Variants in EDA observed in about 807,000 individuals in gnomAD.
EDA encodes ectodysplasin-A.
In EDA, 2 loss-of-function variants were observed where a neutral mutation model predicts 23.6. The observed-to-expected ratio is 0.08, with a 90% CI of 0.03 to 0.27. The LOEUF (loss-of-function observed/expected upper bound fraction) is 0.27, where lower values mean the gene tolerates loss of function less well. EDA is among the 10% of genes least tolerant of loss of function. EDA has a pLI of 1.00. For synonymous variants in EDA, 131 were observed against 132.0 expected (o/e 0.99, Z 0.05); for missense variants, 229 against 324.2 (o/e 0.71, Z 2.26).
At chrX:69,766,745 A>G (rs1284555806) in intron 1 of EDA, among the ~76,000 whole-genome samples, 2 of 112,136 alleles carry the variant, frequency 1.8e-5, no homozygotes, top group African/African-American at 6.5e-5. Flanking sequence ...TAGTGCTGCA[A>G]TGAACATTTG....
intron 1 of EDA, among the ~76,000 whole-genome samples, chrX:69,676,414 C>T (rs1934081773): frequency 1.8e-5 from 2 of 110,613 alleles, no homozygotes; most frequent in Admixed American, 1.9e-4. Context: ...TTGAACGTGG[C>T]ATGTGAGAGG....
In EDA at chrX:69,777,144, T is replaced by TTG. The variant is rs374930096; in HGVS notation, c.396+160441_396+160442insGT. 4.1e-3 allele frequency among the ~76,000 whole-genome samples: 435 copies of TTG among 106,824 alleles called. 1 individual carries two copies. Among genetic ancestry groups the TTG allele is most frequent in the African/African-American group, 0.011 (328 of 29,200 alleles). The allele number at this position is 106,824 out of a possible 115,157, so 92.8% of individuals were successfully genotyped here. A position where few individuals can be genotyped will look rare whatever the true frequency, so the allele number is the denominator to read the frequency against. ...TTGTTTGTTTCTGTTGATTCTGGGT[T>TTG]TTGTTGTTGTTGTTGTTGTTGTTGT... On this transcript the variant is annotated intron_variant, in intron 1 of 7. Transcript: ENST00000374552.
At chrX:69,849,115 A>G (rs2017071032) in intron 1 of EDA, among the ~76,000 whole-genome samples, 1 of 98,480 alleles carries the variant, frequency 1.0e-5, no homozygotes, top group African/African-American at 3.7e-5. Context: ...ACACACACAC[A>G]CACACACACA....
chrX:69,652,450 A>G (rs1418280788), intron 1 of EDA, among the ~76,000 whole-genome samples: 3 of 112,074 alleles, frequency 2.7e-5, no homozygotes, highest in Non-Finnish European at 5.6e-5. Context: ...TAGAAACGGT[A>G]AAGGGATCAT....
At chrX:69,819,848 T>G (rs1228853233) in intron 1 of EDA, among the ~76,000 whole-genome samples, 1 of 101,209 alleles carries the variant, frequency 9.9e-6, no homozygotes, top group Non-Finnish European at 1.9e-5. Flanking sequence ...AAACTACCAC[T>G]GACATTCTTA....
At chrX:69,813,241 A>T (rs923607851) in intron 1 of EDA, among the ~76,000 whole-genome samples, 2 of 111,779 alleles carry the variant, frequency 1.8e-5, no homozygotes, top group Non-Finnish European at 3.8e-5. Flanking sequence ...ACCTTCTGTC[A>T]TTCTCTTAAG....
At chrX:69,661,088 G>A (rs1215425350) in intron 1 of EDA, among the ~76,000 whole-genome samples, 6 of 110,245 alleles carry the variant, frequency 5.4e-5, no homozygotes, top group African/African-American at 2.0e-4. Context: ...GCATTTCTCT[G>A]ATGGCCAGTG....
intron 1 of EDA, among the ~76,000 whole-genome samples, chrX:69,867,047 ACCAGGTGGCTAGCTGATCACC>A (rs1248998657): frequency 1.8e-5 from 2 of 112,014 alleles, no homozygotes; most frequent in Non-Finnish European, 3.8e-5. Flanking sequence ...TCAACCTGCC[ACCAGGTGGCTAGCTGATCACC>A]CCAAAGAATG....
chrX:69,744,191 C>T (rs1317620879), intron 1 of EDA, among the ~76,000 whole-genome samples: 1 of 111,944 alleles, frequency 8.9e-6, no homozygotes, highest in East Asian at 2.8e-4. Flanking sequence ...TTCTGAATAT[C>T]TGTGTGCCAA....
intron 1 of EDA, among the ~76,000 whole-genome samples, chrX:69,853,192 T>C (rs2017171037): frequency 8.9e-6 from 1 of 111,741 alleles, no homozygotes; most frequent in African/African-American, 3.2e-5. Context: ...ATGATGAAGG[T>C]ATAGGAGACT....
At chrX:70,029,359 C>G in intron 4 of EDA, 145 bp from the exon 5 acceptor site, 1 of 693,640 alleles carries the variant, frequency 1.4e-6, no homozygotes, top group Non-Finnish European at 2.3e-6. Context: ...TGCACTCTGA[C>G]TCTTCCTCCA....
At position 70,039,159 on chromosome X, in the gene EDA, C is replaced by T. The variant is rs945328036; in HGVS notation, c.*3550C>T. Reference sequence around the variant, plus strand: ...ACTGTAATGCTGCCTCAGGACCCATCCCTGCCTGGAGGCTCCTCTAGGCCC... The same window carrying T: ...ACTGTAATGCTGCCTCAGGACCCATTCCTGCCTGGAGGCTCCTCTAGGCCC... On this transcript the variant is annotated 3_prime_UTR_variant, in exon 8 of 8. Coordinates refer to ENST00000374552, the MANE Select transcript of EDA (RefSeq NM_001399.5). 1.8e-5 allele frequency: 2 copies of T among 112,579 alleles called. No homozygotes were observed. The highest frequency in any genetic ancestry group is 3.8e-5 in the Non-Finnish European group (2 of 53,299). 9.3% of individuals were successfully genotyped at this position (112,579 alleles called of 1,213,427 possible).
chrX:69,695,809 A>G (rs755453614), intron 1 of EDA, among the ~76,000 whole-genome samples: 2 of 110,226 alleles, frequency 1.8e-5, no homozygotes, highest in Non-Finnish European at 3.8e-5. Context: ...ACCCAGCCTC[A>G]GTTTTCTTAA....
chrX:69,710,276 T>G (rs1347402079), intron 1 of EDA, among the ~76,000 whole-genome samples: 1 of 110,723 alleles, frequency 9.0e-6, no homozygotes. Flanking sequence ...TTTCTTGTTT[T>G]TGTCAGGTTT....
intron 1 of EDA, among the ~76,000 whole-genome samples, chrX:69,685,407 T>C (rs777199561): frequency 4.5e-5 from 5 of 111,777 alleles, no homozygotes; most frequent in Admixed American, 9.6e-5. Context: ...TATTAGCTGA[T>C]AATATCTGGG....
intron 1 of EDA, among the ~76,000 whole-genome samples, chrX:69,654,439 A>G (rs1231236347): frequency 9.0e-6 from 1 of 111,637 alleles, no homozygotes. Flanking sequence ...CAGCCATCCC[A>G]TTACTGGGTA....
chrX:69,665,497 G>T (rs988108089), intron 1 of EDA, among the ~76,000 whole-genome samples: 3 of 111,496 alleles, frequency 2.7e-5, no homozygotes, highest in Non-Finnish European at 5.7e-5. Flanking sequence ...ATAAGCTAAA[G>T]ATTCAATTTT....
intron 1 of EDA, among the ~76,000 whole-genome samples, chrX:69,813,686 T>C (rs560030190): frequency 8.9e-6 from 1 of 112,012 alleles, no homozygotes; most frequent in African/African-American, 3.2e-5. Flanking sequence ...ATACAGCTTC[T>C]TTCAGAAAGC....
chrX:69,989,732 G>A (rs1051927427), intron 2 of EDA, among the ~76,000 whole-genome samples: 4 of 110,756 alleles, frequency 3.6e-5, no homozygotes, highest in Admixed American at 1.9e-4. Context: ...AATTTTAAAA[G>A]TTGGCAAATG....
Sources: allele counts gnomAD v4.1 joint callset (sites outside exome capture counted in the v4.1 genomes callset), GRCh38; gene constraint gnomAD v4.1.1; transcripts MANE v1.5; gene names NCBI Gene and HGNC (gene_info 2026-07-23, HGNC 2026-07-21).